MAPK4: variants seen among roughly 807,000 people sequenced by gnomAD.
The protein encoded by MAPK4 is Erk3-related.
MAPK4 carries 22 observed loss-of-function variants against 47.7 expected under a neutral mutation model. The ratio of observed to expected loss-of-function variants is 0.46; its 90% CI spans 0.33 to 0.66. The LOEUF is 0.66. Among genes scored for constraint, MAPK4 ranks in the 30% least tolerant of loss-of-function variants. The probability of loss-of-function intolerance (pLI) is 0.02; values close to 1 mark genes in which losing one functional copy is unlikely to be tolerated. For synonymous variants in MAPK4, 390 were observed against 365.7 expected (o/e 1.07, Z -0.76); for missense variants, 736 against 831.7 (o/e 0.88, Z 1.42).
intron 1 of MAPK4, among the ~76,000 whole-genome samples, chr18:50,655,448 G>T (rs1205976093): frequency 1.3e-5 from 2 of 152,154 alleles, no homozygotes; most frequent in Non-Finnish European, 2.9e-5. Context: ...ATCATGGGCG[G>T]CACCATTAGG....
At chr18:50,700,581 C>T (rs1909735779) in intron 2 of MAPK4, among the ~76,000 whole-genome samples, 1 of 152,218 alleles carries the variant, frequency 6.6e-6, no homozygotes, top group South Asian at 2.1e-4. Flanking sequence ...ACCCACCAAC[C>T]AGGGTTGTGG....
chr18:50,628,003 T>C (rs9949687), intron 1 of MAPK4, among the ~76,000 whole-genome samples: 64,376 of 151,778 alleles, frequency 0.42, 13,863 homozygotes, highest in Middle Eastern at 0.55. Context: ...CATCAGGGAA[T>C]AAGCTCCCAC....
At chr18:50,657,589 C>G (rs771787951) in intron 1 of MAPK4, among the ~76,000 whole-genome samples, 1 of 152,114 alleles carries the variant, frequency 6.6e-6, no homozygotes, top group Non-Finnish European at 1.5e-5. Flanking sequence ...AATGCCAACA[C>G]CAACCCTGTT....
At chr18:50,680,930 C>T (rs1908551606) in intron 2 of MAPK4, among the ~76,000 whole-genome samples, 1 of 152,190 alleles carries the variant, frequency 6.6e-6, no homozygotes, top group African/African-American at 2.4e-5. Context: ...TTTCACTTCT[C>T]TTGGGTATAT....
chr18:50,598,815 T>C (rs1436430404), intron 1 of MAPK4, among the ~76,000 whole-genome samples: 1 of 152,226 alleles, frequency 6.6e-6, no homozygotes, highest in African/African-American at 2.4e-5. Flanking sequence ...ACTAGTCAGA[T>C]GTCCCTGAAG....
In MAPK4 at chr18:50,693,503, C is replaced by G. The variant is rs1040095552; in HGVS notation, c.547-21576C>G. On this transcript the variant is annotated intron_variant, in intron 2 of 5. Transcript: ENST00000400384. ...TGAGAATTCACCAAGAGTCACAGCTCTCAGGCTCTTTAGAGAGGTTTCTTC... is the reference window on the plus strand; with the variant it reads ...TGAGAATTCACCAAGAGTCACAGCTGTCAGGCTCTTTAGAGAGGTTTCTTC... 2.6e-5 allele frequency among the ~76,000 whole-genome samples: 4 copies of G among 152,192 alleles called. No individual in the cohort carries two copies. The South Asian group carries it at 8.3e-4, about 32-fold the overall frequency.
At chr18:50,701,898 G>C (rs183893186) in intron 2 of MAPK4, among the ~76,000 whole-genome samples, 65 of 152,330 alleles carry the variant, frequency 4.3e-4, no homozygotes, top group African/African-American at 1.5e-3. Flanking sequence ...GCTCATGCCT[G>C]TAATCCCAAC....
At chr18:50,587,208 C>T (rs976040481) in intron 1 of MAPK4, among the ~76,000 whole-genome samples, 1 of 152,122 alleles carries the variant, frequency 6.6e-6, no homozygotes, top group African/African-American at 2.4e-5. Context: ...GACATGGGGC[C>T]TTTGGGAGAT....
At chr18:50,685,055 C>T (rs1487654118) in intron 2 of MAPK4, among the ~76,000 whole-genome samples, 1 of 152,188 alleles carries the variant, frequency 6.6e-6, no homozygotes, top group African/African-American at 2.4e-5. Context: ...CCATGCCCAC[C>T]AGAAACACAC....
At chr18:50,725,368 C>G (rs2144486180) in intron 4 of MAPK4, among the ~76,000 whole-genome samples, 1 of 152,366 alleles carries the variant, frequency 6.6e-6, no homozygotes, top group South Asian at 2.1e-4. Flanking sequence ...CAGCATTCCC[C>G]TTTCTCACTA....
At chr18:50,622,552 A>G (rs2042741631) in intron 1 of MAPK4, among the ~76,000 whole-genome samples, 1 of 152,210 alleles carries the variant, frequency 6.6e-6, no homozygotes, top group Admixed American at 6.5e-5. Flanking sequence ...ACAGCCTCCC[A>G]GCAGCCAGGG....
At chr18:50,568,757 C>G (rs975743170) in intron 1 of MAPK4, among the ~76,000 whole-genome samples, 3 of 152,284 alleles carry the variant, frequency 2.0e-5, no homozygotes, top group African/African-American at 4.8e-5. Context: ...TTCTTTTAAT[C>G]TCTCCAAGAT....
chr18:50,711,076 A>T (rs1910335704), intron 2 of MAPK4, among the ~76,000 whole-genome samples: 1 of 152,190 alleles, frequency 6.6e-6, no homozygotes, highest in Admixed American at 6.5e-5. Context: ...GCTGTTCTGA[A>T]TTCCCTGGCA....
At chr18:50,572,156 G>T (rs1309093459) in intron 1 of MAPK4, among the ~76,000 whole-genome samples, 1 of 151,678 alleles carries the variant, frequency 6.6e-6, no homozygotes, top group African/African-American at 2.4e-5. Flanking sequence ...ACTCGAAGAG[G>T]GCTTTAACGA....
intron 1 of MAPK4, among the ~76,000 whole-genome samples, chr18:50,616,980 C>T (rs903470111): frequency 1.3e-5 from 2 of 152,238 alleles, no homozygotes; most frequent in Non-Finnish European, 2.9e-5. Context: ...AGGCTTAACA[C>T]ATGTCCTGGC....
At chr18:50,720,411 G>C (rs60928548) in intron 3 of MAPK4, among the ~76,000 whole-genome samples, 3 of 151,714 alleles carry the variant, frequency 2.0e-5, no homozygotes, top group Non-Finnish European at 4.4e-5. Flanking sequence ...CACAAGGGGT[G>C]GGGGAGCTAG....
chr18:50,583,364 G>A (rs2042362966), intron 1 of MAPK4, among the ~76,000 whole-genome samples: 1 of 152,200 alleles, frequency 6.6e-6, no homozygotes, highest in Non-Finnish European at 1.5e-5. Flanking sequence ...AAGGTGAGTG[G>A]ATTGCCTGAG....
At chr18:50,618,468 C>G (rs907103568) in intron 1 of MAPK4, among the ~76,000 whole-genome samples, 2 of 152,190 alleles carry the variant, frequency 1.3e-5, no homozygotes, top group African/African-American at 4.8e-5. Context: ...ATTTCTGTAT[C>G]AACACAGCTT....
In MAPK4 at chr18:50,611,384, T is replaced by C. The variant is rs371992045; in HGVS notation, c.-871+51141T>C. ...GAGCCCAATAACGTGCAACTTATCA[T>C]GTTTTAAAAAATTAAGGTGGAGATA... On this transcript the variant is annotated intron_variant, in intron 1 of 5. Coordinates refer to ENST00000400384, the MANE Select transcript of MAPK4 (RefSeq NM_002747.4). Among the ~76,000 whole-genome samples the C allele has an allele frequency of 8.5e-5, 13 of 152,240 alleles. 1 individual carries two copies. In the South Asian group the frequency reaches 2.3e-3, roughly 27 times the overall value.
Sources: gnomAD v4.1 joint callset for allele counts (sites outside exome capture counted in the v4.1 genomes callset) on GRCh38, gnomAD v4.1.1 for gene constraint, MANE v1.5 for transcripts, NCBI Gene and HGNC (gene_info 2026-07-23, HGNC 2026-07-21) for gene names.